The following CACNA1C variants were observed in gnomAD, a reference collection of about 807,000 sequenced individuals.
CACNA1C encodes the protein voltage-dependent L-type calcium channel subunit alpha-1C.
CACNA1C carries 30 observed loss-of-function variants against 229.0 expected under a neutral mutation model. That is an observed-to-expected ratio of 0.13 (90% confidence interval 0.10 to 0.18). The LOEUF is 0.18. Ranked by LOEUF, CACNA1C falls within the 10% of genes least tolerant of loss-of-function variation. CACNA1C has a pLI of 1.00. For synonymous variants in CACNA1C, 1,114 were observed against 1,132.5 expected, an observed-to-expected ratio of 0.98 and a Z score of 0.33; for missense variants, 1,658 against 2,845.0, an observed-to-expected ratio of 0.58 and a Z score of 9.49.
intron 1 of CACNA1C, chr12:1,997,829 T>C: frequency 2.1e-6 from 2 of 938,200 alleles, no homozygotes; most frequent in South Asian, 1.5e-5. Context: ...TTAATTCTTT[T>C]ACTTCTTTTT....
chr12:2,278,044 A>T (rs1229133417), intron 3 of CACNA1C, among the ~76,000 whole-genome samples: 1 of 152,234 alleles, frequency 6.6e-6, no homozygotes, highest in South Asian at 2.1e-4. Flanking sequence ...GTGAGGGCCA[A>T]TCTCAGTCCT....
At chr12:2,518,479 G>T (rs1310279604) in intron 9 of CACNA1C, among the ~76,000 whole-genome samples, 1 of 152,032 alleles carries the variant, frequency 6.6e-6, no homozygotes, top group African/African-American at 2.4e-5. Context: ...GCGGTGGCGG[G>T]CTCCTGTAGT....
In CACNA1C at chr12:2,104,889, T is replaced by C. The variant is rs1190330696; in HGVS notation, c.50-10335T>C. ...AAGCATTTGGTTATTATGGCAAAAA[T>C]TATGGCAATTTGTCATCTTCAGTTG... On this transcript the variant is annotated intron_variant, in intron 1 of 46. Coordinates refer to ENST00000399655, the MANE Select transcript of CACNA1C (RefSeq NM_000719.7). Among the ~76,000 whole-genome samples the C allele has an allele frequency of 3.9e-5, 6 of 152,334 alleles. No homozygotes were observed. In the South Asian group the frequency reaches 6.2e-4, roughly 16 times the overall value.
chr12:2,064,587 T>C (rs966135968), intron 1 of CACNA1C, among the ~76,000 whole-genome samples: 7 of 152,018 alleles, frequency 4.6e-5, no homozygotes, highest in Non-Finnish European at 8.8e-5. Flanking sequence ...ATCTAAAGTC[T>C]AGGCAAGAGA....
intron 38 of CACNA1C, 51 bp downstream of exon 38, chr12:2,669,086 A>G: frequency 1.6e-6 from 2 of 1,271,880 alleles, no homozygotes; most frequent in East Asian, 2.3e-5. Flanking sequence ...TCTAGCAGAC[A>G]ATCAGAGAGG....
chr12:2,394,198 C>T (rs916596577), intron 3 of CACNA1C, among the ~76,000 whole-genome samples: 5 of 152,130 alleles, frequency 3.3e-5, no homozygotes, highest in Non-Finnish European at 5.9e-5. Flanking sequence ...ACGGGCCAGG[C>T]GGAGGCCTGT....
At chr12:2,208,629 C>G (rs1269301651) in intron 3 of CACNA1C, among the ~76,000 whole-genome samples, 1 of 152,144 alleles carries the variant, frequency 6.6e-6, no homozygotes, top group African/African-American at 2.4e-5. Context: ...ACTCAGGGCA[C>G]TGATATTTAC....
intron 3 of CACNA1C, among the ~76,000 whole-genome samples, chr12:2,283,918 G>A (rs1269128569): frequency 6.6e-6 from 1 of 152,214 alleles, no homozygotes; most frequent in African/African-American, 2.4e-5. Context: ...TGGTGGGGAG[G>A]AGTAAGGAGG....
intron 1 of CACNA1C, among the ~76,000 whole-genome samples, chr12:2,024,829 CA>C (rs1225119121): frequency 1.3e-5 from 2 of 152,194 alleles, no homozygotes; most frequent in African/African-American, 2.4e-5. Context: ...CCACGAAGAC[CA>C]AAGCAGGCTG....
In CACNA1C at chr12:2,097,203, T is replaced by A. The variant is rs111716850; in HGVS notation, c.50-18021T>A. 7.1e-3 allele frequency among the ~76,000 whole-genome samples: 1,085 copies of A among 152,304 alleles called. 13 individuals carry two copies. The highest frequency in any genetic ancestry group is 0.025 in the African/African-American group (1,039 of 41,554). On this transcript the variant is annotated intron_variant, in intron 1 of 46. Transcript: ENST00000399655. ...CTCTGTCACCCAGGCTGGAGTGCAGTGGCGCGATCTCGGCTCACTGCAAGC... is the reference window on the plus strand; with the variant it reads ...CTCTGTCACCCAGGCTGGAGTGCAGAGGCGCGATCTCGGCTCACTGCAAGC...
chr12:2,197,741 G>A (rs1231604226), intron 3 of CACNA1C, among the ~76,000 whole-genome samples: 1 of 152,108 alleles, frequency 6.6e-6, no homozygotes, highest in Non-Finnish European at 1.5e-5. Flanking sequence ...ACCAAATTGG[G>A]GGAAGATTAA....
At chr12:2,539,279 T>A (rs1384464328) in intron 9 of CACNA1C, among the ~76,000 whole-genome samples, 33 of 98,348 alleles carry the variant, frequency 3.4e-4, no homozygotes, top group Non-Finnish European at 4.7e-4. Flanking sequence ...AGGCAGGGTT[T>A]AAGGACTTAA....
intron 9 of CACNA1C, among the ~76,000 whole-genome samples, chr12:2,532,567 G>A (rs533025310): frequency 1.1e-3 from 163 of 152,290 alleles, no homozygotes; most frequent in Non-Finnish European, 1.9e-3. Flanking sequence ...AAGCTGCCCA[G>A]GGCCCATGTT....
chr12:2,683,443 C>T (rs1314754644), intron 43 of CACNA1C, among the ~76,000 whole-genome samples: 5 of 152,172 alleles, frequency 3.3e-5, no homozygotes, highest in Non-Finnish European at 7.3e-5. Context: ...GTTTCCGAAG[C>T]TTTTCTGGCT....
chr12:2,635,095 C>T (rs964271261), intron 30 of CACNA1C, among the ~76,000 whole-genome samples: 10 of 152,144 alleles, frequency 6.6e-5, no homozygotes, highest in African/African-American at 2.4e-4. Flanking sequence ...GTGGACCTTT[C>T]CTCCTAGTTG....
At chr12:2,082,647 A>G (rs2066081228) in intron 1 of CACNA1C, among the ~76,000 whole-genome samples, 1 of 152,260 alleles carries the variant, frequency 6.6e-6, no homozygotes, top group South Asian at 2.1e-4. Flanking sequence ...GCTCCACCTC[A>G]TTCTAGACTG....
At chr12:2,642,097 T>C (rs1286721851) in intron 30 of CACNA1C, among the ~76,000 whole-genome samples, 1 of 152,176 alleles carries the variant, frequency 6.6e-6, no homozygotes, top group African/African-American at 2.4e-5. Flanking sequence ...AGAAGTACCC[T>C]GCAGGTTTGA....
intron 7 of CACNA1C, among the ~76,000 whole-genome samples, chr12:2,501,571 C>T (rs1341567696): frequency 6.6e-6 from 1 of 152,264 alleles, no homozygotes; most frequent in African/African-American, 2.4e-5. Context: ...ATGGGACCTG[C>T]AGACCACAGC....
chr12:2,207,835 C>CA (rs113589726), intron 3 of CACNA1C, among the ~76,000 whole-genome samples: 52 of 151,124 alleles, frequency 3.4e-4, no homozygotes, highest in African/African-American at 4.4e-4. Context: ...ACAAAACAAA[C>CA]AAAAAAAACC....
Sources: gnomAD v4.1 joint callset for allele counts (sites outside exome capture counted in the v4.1 genomes callset) on GRCh38, gnomAD v4.1.1 for gene constraint, MANE v1.5 for transcripts, NCBI Gene and HGNC (gene_info 2026-07-23, HGNC 2026-07-21) for gene names.